Variants in DCLK2 observed in about 807,000 individuals in gnomAD.
The protein encoded by DCLK2 is serine/threonine-protein kinase DCLK2.
Under a neutral mutation model 78.4 loss-of-function variants are expected in DCLK2, and 31 were observed. That is an observed-to-expected ratio of 0.40 (90% CI 0.30 to 0.53). The LOEUF is 0.53. Ranked by LOEUF, DCLK2 falls within the 20% of genes least tolerant of loss-of-function variation. The probability of loss-of-function intolerance (pLI) is 0.61; values close to 1 mark genes in which losing one functional copy is unlikely to be tolerated. For synonymous variants in DCLK2, 407 were observed against 374.9 expected (o/e 1.09, Z -0.99); for missense variants, 872 against 973.7 (o/e 0.90, Z 1.39).
intron 2 of DCLK2, among the ~76,000 whole-genome samples, chr4:150,191,567 G>A (rs565188808): frequency 6.6e-6 from 1 of 152,294 alleles, no homozygotes; most frequent in African/African-American, 2.4e-5. Context: ...AGGGGTGTGT[G>A]CTAACACCAA....
At chr4:150,151,703 T>A (rs573014556) in intron 2 of DCLK2, among the ~76,000 whole-genome samples, 2 of 152,256 alleles carry the variant, frequency 1.3e-5, no homozygotes, top group South Asian at 4.2e-4. Flanking sequence ...GGCAGGTAGA[T>A]CACCAGAGGT....
At chr4:150,252,634 C>G (rs1020159000) in intron 15 of DCLK2, among the ~76,000 whole-genome samples, 1 of 152,174 alleles carries the variant, frequency 6.6e-6, no homozygotes, top group African/African-American at 2.4e-5. Context: ...TTTACAAATA[C>G]CATTTTCCAT....
At chr4:150,249,029 C>G (rs1743542852) in intron 14 of DCLK2, among the ~76,000 whole-genome samples, 1 of 152,064 alleles carries the variant, frequency 6.6e-6, no homozygotes, top group African/African-American at 2.4e-5. Context: ...TGGGAAGCTC[C>G]CTGTGTACCT....
chr4:150,221,651 A>G, intron 6 of DCLK2, 26 bp from the exon 7 acceptor site: 1 of 1,477,290 alleles, frequency 6.8e-7, no homozygotes, highest in Non-Finnish European at 9.3e-7. Context: ...TGTTTTCTTT[A>G]GAATTTGCAT....
intron 2 of DCLK2, among the ~76,000 whole-genome samples, chr4:150,110,589 G>A (rs1399056003): frequency 2.6e-5 from 4 of 152,040 alleles, no homozygotes; most frequent in Non-Finnish European, 2.9e-5. Flanking sequence ...CACCTGAGTA[G>A]TGTACATTGT....
chr4:150,117,835 T>C (rs1041321028), intron 2 of DCLK2, among the ~76,000 whole-genome samples: 5 of 152,204 alleles, frequency 3.3e-5, no homozygotes, highest in African/African-American at 1.2e-4. Context: ...AGTTCCTCTG[T>C]TGCTTCTTGG....
intron 5 of DCLK2, among the ~76,000 whole-genome samples, chr4:150,205,124 AT>A (rs928535894): frequency 7.9e-5 from 12 of 151,830 alleles, no homozygotes; most frequent in East Asian, 5.8e-4. Context: ...ATGTTGAAGA[AT>A]TTTTTTTTAT....
At chr4:150,168,346 C>CAA (rs1285332689) in intron 2 of DCLK2, among the ~76,000 whole-genome samples, 15 of 113,804 alleles carry the variant, frequency 1.3e-4, no homozygotes, top group Non-Finnish European at 1.5e-4. Flanking sequence ...GACTCCATCT[C>CAA]AAAAAAAAAA....
Position 150,176,360 on chromosome 4 carries a change from G to A in DCLK2, c.757-16778G>A, listed in dbSNP as rs1438710358. On this transcript the variant is annotated intron_variant, in intron 2 of 15. Coordinates refer to ENST00000296550, the MANE Select transcript of DCLK2 (RefSeq NM_001040260.4). ...CTGGGTGTAAGAGCGAGAAAGATACGGTCTCCAGGTGCTGGGTGTCTTCCT... is the reference window on the plus strand; with the variant it reads ...CTGGGTGTAAGAGCGAGAAAGATACAGTCTCCAGGTGCTGGGTGTCTTCCT... 2.0e-5 allele frequency among the ~76,000 whole-genome samples: 3 copies of A among 152,156 alleles called. 1 individual carries two copies. The highest frequency in any genetic ancestry group is 2.9e-5 in the Non-Finnish European group (2 of 68,022).
chr4:150,087,240 A>G (rs1024045970), intron 1 of DCLK2, among the ~76,000 whole-genome samples: 1 of 152,184 alleles, frequency 6.6e-6, no homozygotes, highest in African/African-American at 2.4e-5. Context: ...ATTACACTAT[A>G]ACATTTACTG....
At chr4:150,139,415 G>A (rs188457300) in intron 2 of DCLK2, among the ~76,000 whole-genome samples, 60 of 152,282 alleles carry the variant, frequency 3.9e-4, no homozygotes, top group Admixed American at 1.6e-3. Flanking sequence ...ACTCCTGGAC[G>A]AATGCCTGTG....
At chr4:150,198,442 T>C (rs536578611) in intron 4 of DCLK2, among the ~76,000 whole-genome samples, 1 of 151,620 alleles carries the variant, frequency 6.6e-6, no homozygotes, top group Non-Finnish European at 1.5e-5. Context: ...ATTATTTTCT[T>C]AACATTATCT....
intron 10 of DCLK2, among the ~76,000 whole-genome samples, chr4:150,238,843 G>C (rs757554968): frequency 3.3e-5 from 5 of 152,114 alleles, no homozygotes; most frequent in Non-Finnish European, 7.3e-5. Flanking sequence ...GGAAGTTCAG[G>C]CTGCCTGATC....
In DCLK2 at chr4:150,118,351, C is replaced by CT. The variant is rs551105736; in HGVS notation, c.756+15542dup. ...TAATAAGTTGTGTTGCAAAATTATACTTTGAGTAGGATCTGAAAAATGAAA... is the reference window on the plus strand; with the variant it reads ...TAATAAGTTGTGTTGCAAAATTATACTTTTGAGTAGGATCTGAAAAATGAAA... On this transcript the variant is annotated intron_variant, in intron 2 of 15. Transcript: ENST00000296550. Among the ~76,000 whole-genome samples the CT allele has an allele frequency of 1.4e-3, 218 of 152,168 alleles. 2 individuals are homozygous for CT. The highest frequency in any genetic ancestry group is 5.0e-3 in the African/African-American group (208 of 41,492).
At chr4:150,150,384 A>G (rs1044757792) in intron 2 of DCLK2, among the ~76,000 whole-genome samples, 28 of 152,176 alleles carry the variant, frequency 1.8e-4, no homozygotes, top group African/African-American at 6.8e-4. Context: ...TTCATCCACA[A>G]AATGGGGACA....
chr4:150,173,229 G>A (rs1180578646), intron 2 of DCLK2, among the ~76,000 whole-genome samples: 2 of 152,118 alleles, frequency 1.3e-5, no homozygotes, highest in African/African-American at 4.8e-5. Context: ...CAGACCTAGT[G>A]CCCTTCACTC....
rs921105880 is a variant in DCLK2 at position 150,253,394 on chromosome 4, G to A, written c.2074-2626G>A. On this transcript the variant is annotated intron_variant, in intron 15 of 15. Transcript: ENST00000296550. ...GAGCTGGGGCCTGAGACTTCAGTGA[G>A]AAAATGATGGGCTAGAAATTGGTCC... The A allele has an allele frequency of 3.9e-6, 5 of 1,283,366 alleles. No individual in the cohort carries two copies. In the African/African-American group the frequency reaches 6.1e-5, roughly 16 times the overall value. The allele number at this position is 1,283,366 out of a possible 1,614,324, so 79.5% of individuals were successfully genotyped here. A position where few individuals can be genotyped will look rare whatever the true frequency, so the allele number is the denominator to read the frequency against.
chr4:150,106,612 T>C (rs939429247), intron 2 of DCLK2, among the ~76,000 whole-genome samples: 20 of 152,236 alleles, frequency 1.3e-4, no homozygotes, highest in Admixed American at 6.5e-5. Context: ...AACACAAGGA[T>C]AGAAATTAAA....
intron 5 of DCLK2, among the ~76,000 whole-genome samples, chr4:150,216,132 C>A (rs2126508357): frequency 6.6e-6 from 1 of 152,310 alleles, no homozygotes; most frequent in South Asian, 2.1e-4. Flanking sequence ...CTTAACATTT[C>A]TCCTTAAATT....
Sources: gnomAD v4.1 joint callset for allele counts (sites outside exome capture counted in the v4.1 genomes callset) on GRCh38, gnomAD v4.1.1 for gene constraint, MANE v1.5 for transcripts, NCBI Gene and HGNC (gene_info 2026-07-23, HGNC 2026-07-21) for gene names.